The following FOXP1 variants were observed in gnomAD, a reference collection of about 807,000 sequenced individuals.
FOXP1 encodes the protein forkhead box P1.
FOXP1 carries 15 observed loss-of-function variants against 98.2 expected under a neutral mutation model. The observed-to-expected ratio is 0.15, with a 90% CI of 0.10 to 0.24. The LOEUF is 0.24. Among genes scored for constraint, FOXP1 ranks in the 10% least tolerant of loss-of-function variants. The pLI is 1.00. For missense variants in FOXP1, 633 were observed against 848.5 expected (o/e 0.75, Z 3.15); for synonymous variants, 371 against 314.5 (o/e 1.18, Z -1.90).
intron 5 of FOXP1, among the ~76,000 whole-genome samples, chr3:71,232,888 A>AAAAAAAAAAAAAAAAAAAAG: frequency 6.8e-6 from 1 of 146,420 alleles, no homozygotes; most frequent in Non-Finnish European, 1.5e-5. Context: ...AAAAAAAAAA[A>AAAAAAAAAAAAAAAAAAAAG]AAAAAAAAGC....
At chr3:71,000,485 C>T (rs1559683255) in intron 13 of FOXP1, among the ~76,000 whole-genome samples, 6 of 152,116 alleles carry the variant, frequency 3.9e-5, no homozygotes, top group Admixed American at 3.3e-4. Context: ...TTTGGGTGCA[C>T]TGCCTTGCCG....
At chr3:70,997,673 T>C (rs928676423) in intron 13 of FOXP1, among the ~76,000 whole-genome samples, 1 of 152,236 alleles carries the variant, frequency 6.6e-6, no homozygotes, top group Admixed American at 6.5e-5. Context: ...AACCTGTTAA[T>C]GTCAGCTAGC....
intron 4 of FOXP1, among the ~76,000 whole-genome samples, chr3:71,330,011 C>T (rs2076201142): frequency 6.6e-6 from 1 of 152,090 alleles, no homozygotes; most frequent in South Asian, 2.1e-4. Context: ...GAGTTTGAGA[C>T]TAGCCTAGGC....
rs1207635648 is a variant in FOXP1, at chr3:71,041,491, T to C, written c.706A>G (p.Thr236Ala). ...TELQQLWKEV[T>A]SAHTAEETTG... Reference sequence around the variant, plus strand: ...GTTTCTTCTGCAGTATGAGCACTTGTCACTTCTTTCCAGAGCTGCTGCAGT... The same window carrying C: ...GTTTCTTCTGCAGTATGAGCACTTGCCACTTCTTTCCAGAGCTGCTGCAGT... The change falls in exon 11 of 21, where the codon ACA becomes GCA. Residue 236 changes from threonine to alanine, a missense_variant. Thr to Ala is a moderately conservative substitution (Grantham distance 58, BLOSUM62 0). This residue lies in a region of FOXP1 where 210 missense variants were observed against 270.6 expected (regional missense o/e 0.78). Coordinates refer to ENST00000649528, the MANE Select transcript of FOXP1 (RefSeq NM_001349338.3). The C allele has an allele frequency of 3.1e-6, 5 of 1,613,884 alleles. No individual in the cohort carries two copies. Among genetic ancestry groups the C allele is most frequent in the Middle Eastern group, 3.3e-4 (2 of 6,056 alleles).
intron 10 of FOXP1, among the ~76,000 whole-genome samples, chr3:71,045,021 G>T (rs1231580627): frequency 6.6e-6 from 1 of 152,156 alleles, no homozygotes; most frequent in South Asian, 2.1e-4. Context: ...TGAGGTGAGG[G>T]AGTGGGGGGA....
chr3:71,084,353 G>GA (rs1559894854), intron 7 of FOXP1, among the ~76,000 whole-genome samples: 1 of 145,902 alleles, frequency 6.9e-6, no homozygotes, highest in Non-Finnish European at 1.5e-5. Context: ...AGTGTGTGTG[G>GA]TTTTTTTTTT....
At chr3:71,257,115 T>C (rs963050404) in intron 5 of FOXP1, among the ~76,000 whole-genome samples, 5 of 152,236 alleles carry the variant, frequency 3.3e-5, no homozygotes, top group Non-Finnish European at 7.3e-5. Flanking sequence ...TATTGAACTC[T>C]TGCTGAATAT....
chr3:71,056,944 A>T (rs2050730237), intron 7 of FOXP1, among the ~76,000 whole-genome samples: 1 of 152,182 alleles, frequency 6.6e-6, no homozygotes, highest in African/African-American at 2.4e-5. Context: ...TAACACTAGG[A>T]ATCAAAGGGC....
chr3:71,147,471 A>T (rs2108040360), intron 6 of FOXP1, among the ~76,000 whole-genome samples: 1 of 152,276 alleles, frequency 6.6e-6, no homozygotes, highest in African/African-American at 2.4e-5. Flanking sequence ...ATCTCAACAC[A>T]GCTGGAACCC....
At chr3:71,352,482 A>AAC (rs1553854477) in intron 4 of FOXP1, among the ~76,000 whole-genome samples, 49 of 148,316 alleles carry the variant, frequency 3.3e-4, no homozygotes, top group African/African-American at 1.0e-3. Context: ...AAAAAAAAAA[A>AAC]AAAAAAAAAA....
intron 19 of FOXP1, among the ~76,000 whole-genome samples, chr3:70,967,400 A>G (rs2035036685): frequency 6.6e-6 from 1 of 152,146 alleles, no homozygotes; most frequent in South Asian, 2.1e-4. Context: ...GACTGTTTCA[A>G]AGCTCGGCCC....
intron 3 of FOXP1, among the ~76,000 whole-genome samples, chr3:71,389,370 G>A (rs908056695): frequency 4.0e-5 from 6 of 151,716 alleles, no homozygotes; most frequent in African/African-American, 7.3e-5. Context: ...CGACACCTGC[G>A]TTCCTCTTGG....
At chr3:71,419,840 G>A (rs1404230206) in intron 3 of FOXP1, among the ~76,000 whole-genome samples, 1 of 151,978 alleles carries the variant, frequency 6.6e-6, no homozygotes, top group Non-Finnish European at 1.5e-5. Context: ...TTGAGACAGA[G>A]TCTTGCTCTT....
intron 6 of FOXP1, among the ~76,000 whole-genome samples, chr3:71,179,951 C>A (rs1576239642): frequency 6.6e-6 from 1 of 152,164 alleles, no homozygotes; most frequent in East Asian, 1.9e-4. Context: ...TTACACAGAG[C>A]CAGTGCTGAG....
chr3:71,577,969 C>T (rs977850314), intron 2 of FOXP1, among the ~76,000 whole-genome samples: 19 of 151,830 alleles, frequency 1.3e-4, no homozygotes, highest in African/African-American at 4.4e-4. Context: ...AAAAAGAAGG[C>T]CAATATTGCT....
intron 1 of FOXP1, chr3:71,582,702 TG>T (rs1157955615): frequency 1.7e-5 from 17 of 984,976 alleles, no homozygotes; most frequent in East Asian, 1.1e-4. Context: ...CACCCACCCG[TG>T]GATCTGGCCA....
At chr3:71,064,042 G>A (rs909317879) in intron 7 of FOXP1, among the ~76,000 whole-genome samples, 1 of 152,036 alleles carries the variant, frequency 6.6e-6, no homozygotes, top group South Asian at 2.1e-4. Context: ...GTACCCCGTG[G>A]CAATTCCTCA....
intron 6 of FOXP1, among the ~76,000 whole-genome samples, chr3:71,120,907 C>A (rs1457858750): frequency 6.6e-6 from 1 of 152,122 alleles, no homozygotes; most frequent in Non-Finnish European, 1.5e-5. Flanking sequence ...CCTTGCTTTT[C>A]TTTTACTTTA....
At chr3:71,311,012 T>C (rs904476316) in intron 4 of FOXP1, among the ~76,000 whole-genome samples, 1 of 152,214 alleles carries the variant, frequency 6.6e-6, no homozygotes, top group African/African-American at 2.4e-5. Context: ...GACAAAAATA[T>C]CAGAACATAT....
Sources: gnomAD v4.1 joint callset for allele counts (sites outside exome capture counted in the v4.1 genomes callset) on GRCh38, gnomAD v4.1.1 for gene constraint, gnomAD v4.1.1 regional missense constraint, MANE v1.5 for transcripts, NCBI Gene and HGNC (gene_info 2026-07-23, HGNC 2026-07-21) for gene names.